The following FAM114A1 variants were observed in gnomAD, a reference collection of about 807,000 sequenced individuals.
The protein encoded by FAM114A1 is family with sequence similarity 114 member A1, also known as protein NOXP20.
In FAM114A1, 62 loss-of-function variants were observed where a neutral mutation model predicts 64.3. The ratio of observed to expected loss-of-function variants is 0.96; its 90% CI spans 0.79 to 1.19. The LOEUF is 1.19. Among genes scored for constraint, FAM114A1 ranks in the 50% most tolerant of loss-of-function variants. The probability of loss-of-function intolerance (pLI) is 0.00; values close to 1 mark genes in which losing one functional copy is unlikely to be tolerated. For synonymous variants in FAM114A1, 254 were observed against 251.1 expected, an observed-to-expected ratio of 1.01 and a Z score of -0.11; for missense variants, 645 against 676.3, an observed-to-expected ratio of 0.95 and a Z score of 0.51.
intron 2 of FAM114A1, among the ~76,000 whole-genome samples, chr4:38,874,972 T>C (rs1486584218): frequency 6.6e-6 from 1 of 152,206 alleles, no homozygotes; most frequent in African/African-American, 2.4e-5. Context: ...TTGTCAAAGA[T>C]CAGATGGTTT....
intron 10 of FAM114A1, 49 bp downstream of exon 10, chr4:38,929,382 G>A: frequency 2.3e-6 from 3 of 1,277,068 alleles, no homozygotes; most frequent in Non-Finnish European, 2.2e-6. Flanking sequence ...AACAGTGCAG[G>A]GGAGAGTCTC....
intron 8 of FAM114A1, among the ~76,000 whole-genome samples, chr4:38,921,509 G>A (rs775953133): frequency 2.0e-5 from 3 of 152,138 alleles, no homozygotes; most frequent in East Asian, 1.9e-4. Context: ...TGATCCTCCC[G>A]CCTCAGCCTC....
At chr4:38,874,091 G>A (rs1349060499) in intron 2 of FAM114A1, among the ~76,000 whole-genome samples, 1 of 152,206 alleles carries the variant, frequency 6.6e-6, no homozygotes, top group East Asian at 1.9e-4. Flanking sequence ...TAAGAAAAGA[G>A]GCAGATGGCA....
At chr4:38,937,836 G>A (rs564025445) in intron 13 of FAM114A1, among the ~76,000 whole-genome samples, 13 of 152,226 alleles carry the variant, frequency 8.5e-5, no homozygotes, top group African/African-American at 3.1e-4. Context: ...CCAAGTTCAA[G>A]TGATTCTCAT....
intron 7 of FAM114A1, among the ~76,000 whole-genome samples, chr4:38,910,556 A>G (rs1424112854): frequency 6.6e-6 from 1 of 152,138 alleles, no homozygotes; most frequent in Admixed American, 6.6e-5. Flanking sequence ...TGCCATGGGG[A>G]AAAAGACAAA....
chr4:38,881,607 C>G (rs1715282008), intron 3 of FAM114A1, among the ~76,000 whole-genome samples: 1 of 152,196 alleles, frequency 6.6e-6, no homozygotes, highest in Admixed American at 6.5e-5. Flanking sequence ...CACTTTCACC[C>G]AGGTCTTATT....
chr4:38,912,485 A>G (rs572367011), intron 7 of FAM114A1, among the ~76,000 whole-genome samples: 2 of 152,128 alleles, frequency 1.3e-5, no homozygotes, highest in Non-Finnish European at 2.9e-5. Context: ...CTTGGCTTCA[A>G]GTGATTCTCC....
chr4:38,871,985 T>A (rs1714118205), intron 2 of FAM114A1, among the ~76,000 whole-genome samples: 1 of 152,226 alleles, frequency 6.6e-6, no homozygotes, highest in Non-Finnish European at 1.5e-5. Flanking sequence ...GCTGCTGGAT[T>A]CAGTGCAATC....
intron 10 of FAM114A1, among the ~76,000 whole-genome samples, chr4:38,931,061 A>T (rs577027761): frequency 6.6e-6 from 1 of 152,264 alleles, no homozygotes; most frequent in South Asian, 2.1e-4. Flanking sequence ...CCGCGGCCCC[A>T]TGGCTCAATT....
At chr4:38,921,174 A>G (rs140777472) in intron 8 of FAM114A1, among the ~76,000 whole-genome samples, 3 of 152,312 alleles carry the variant, frequency 2.0e-5, no homozygotes, top group African/African-American at 7.2e-5. Flanking sequence ...ACTACTTTAT[A>G]CTTATACTTA....
At chr4:38,924,722 T>C (rs1719946218) in intron 9 of FAM114A1, among the ~76,000 whole-genome samples, 1 of 152,232 alleles carries the variant, frequency 6.6e-6, no homozygotes, top group African/African-American at 2.4e-5. Context: ...AGCCTTGTCT[T>C]TGTTTTTCTA....
chr4:38,908,649 A>G lies in FAM114A1; in HGVS notation c.715A>G (p.Met239Val), dbSNP rs1384966300. 3 of 1,613,612 alleles carry G rather than the reference A, an allele frequency of 1.9e-6. No homozygotes were observed. Among genetic ancestry groups the G allele is most frequent in the East Asian group, 4.5e-5 (2 of 44,884 alleles). ...GTTGGAATTCATCGGCAAGAAAACC[A>G]TGAATGTCCTTGCAGAAAGTGACCC... ...DALEFIGKKT[M>V]NVLAESDPGF... The change falls in exon 7 of 15, where the codon ATG becomes GTG. Residue 239 changes from methionine (M) to valine (V), a missense_variant. Transcript: ENST00000358869.
intron 4 of FAM114A1, among the ~76,000 whole-genome samples, chr4:38,904,996 A>C (rs1717845006): frequency 6.6e-6 from 1 of 152,194 alleles, no homozygotes; most frequent in Non-Finnish European, 1.5e-5. Flanking sequence ...AGTCACAGAG[A>C]GGCTAGGTAA....
rs1334606309 is a variant in FAM114A1, at chr4:38,944,515, ACAGACCAGTAC to A, written c.*962_*972del. On this transcript the variant is annotated 3_prime_UTR_variant, in exon 15 of 15. Coordinates refer to ENST00000358869, the MANE Select transcript of FAM114A1 (RefSeq NM_138389.4). ...AAACAGGGGTCCCCACCCCCAGGCC[ACAGACCAGTAC>A]CAGTCCGTGGCACTGGTTAGGAACC... The A allele has an allele frequency of 6.6e-6, 1 of 152,078 alleles. No homozygotes were observed. The highest frequency in any genetic ancestry group is 2.4e-5 in the African/African-American group (1 of 41,400). The allele number at this position is 152,078 out of a possible 1,614,324, so 9.4% of individuals were successfully genotyped here.
rs1721863059 is a variant in FAM114A1 at position 38,945,006 on chromosome 4, T to C, written c.*1449T>C. ...TTTAATTTGTTGCATTTTCCTATAC[T>C]CTTTACACTATTTTATCCCAAACTA... On this transcript the variant is annotated 3_prime_UTR_variant, in exon 15 of 15. Transcript: ENST00000358869. The C allele has an allele frequency of 1.3e-5, 2 of 152,200 alleles. No individual in the cohort carries two copies. The highest frequency in any genetic ancestry group is 4.8e-5 in the African/African-American group (2 of 41,450). 9.4% of individuals were successfully genotyped at this position (152,200 alleles called of 1,614,324 possible). A position where few individuals can be genotyped will look rare whatever the true frequency, so the allele number is the denominator to read the frequency against.
chr4:38,925,434 C>G (rs1292607520), intron 9 of FAM114A1, among the ~76,000 whole-genome samples: 4 of 152,126 alleles, frequency 2.6e-5, no homozygotes, highest in African/African-American at 7.2e-5. Context: ...GGGGGAAATC[C>G]AGGAGCAATC....
At chr4:38,890,273 C>T (rs113290614) in intron 3 of FAM114A1, among the ~76,000 whole-genome samples, 27,443 of 151,798 alleles carry the variant, frequency 0.18, 3,664 homozygotes, top group Non-Finnish European at 0.28. Context: ...CGTGGTGGTG[C>T]GCAACTGTAG....
At chr4:38,942,577 T>C (rs1721658222) in intron 14 of FAM114A1, among the ~76,000 whole-genome samples, 1 of 152,222 alleles carries the variant, frequency 6.6e-6, no homozygotes, top group Non-Finnish European at 1.5e-5. Flanking sequence ...TCACATGTTT[T>C]AGTTACCCTA....
At position 38,912,680 on chromosome 4, in the gene FAM114A1, CCTACTCCCCA is replaced by C. The variant is rs1477037745; in HGVS notation, c.793-2240_793-2231del. On this transcript the variant is annotated intron_variant, in intron 7 of 14. Transcript: ENST00000358869. ...TACAGGCGTGAGCCACCGCGCCTGG[CCTACTCCCCA>C]GTTTTGAGTGAGTCCACATCTTTCC... Among the ~76,000 whole-genome samples the C allele has an allele frequency of 6.6e-5, 10 of 152,326 alleles. No homozygotes were observed. In the East Asian group the frequency reaches 1.9e-3, roughly 29 times the overall value.
Sources: gnomAD v4.1 joint callset for allele counts (sites outside exome capture counted in the v4.1 genomes callset) on GRCh38, gnomAD v4.1.1 for gene constraint, MANE v1.5 for transcripts, NCBI Gene and HGNC (gene_info 2026-07-23, HGNC 2026-07-21) for gene names.